Variants in LRP1B observed in about 807,000 individuals in gnomAD.
LRP1B encodes the protein LDL receptor related protein 1B.
Under a neutral mutation model 556.6 loss-of-function variants are expected in LRP1B, and 217 were observed. The observed-to-expected ratio is 0.39, with a 90% CI of 0.35 to 0.44. The LOEUF is 0.44. Among genes scored for constraint, LRP1B ranks in the 20% least tolerant of loss-of-function variants. The pLI is 1.00. For synonymous variants in LRP1B, 2,047 were observed against 1,865.8 expected, an observed-to-expected ratio of 1.10 and a Z score of -2.50; for missense variants, 5,053 against 5,620.8, an observed-to-expected ratio of 0.90 and a Z score of 3.23.
chr2:141,750,864 A>G (rs183223894), intron 2 of LRP1B, among the ~76,000 whole-genome samples: 28 of 152,238 alleles, frequency 1.8e-4, no homozygotes, highest in Non-Finnish European at 2.6e-4. Context: ...GGATCAAAAT[A>G]AAAATAGATT....
At chr2:140,594,911 T>C (rs1165916979) in intron 43 of LRP1B, among the ~76,000 whole-genome samples, 8 of 151,792 alleles carry the variant, frequency 5.3e-5, no homozygotes, top group Admixed American at 3.9e-4. Context: ...AAGTCTTTTA[T>C]AGAATCCTTC....
At chr2:141,743,043 C>G (rs1693768619) in intron 2 of LRP1B, among the ~76,000 whole-genome samples, 1 of 152,044 alleles carries the variant, frequency 6.6e-6, no homozygotes, top group African/African-American at 2.4e-5. Flanking sequence ...ATATCATCTG[C>G]AAACAAAGAT....
intron 66 of LRP1B, among the ~76,000 whole-genome samples, chr2:140,386,728 G>A (rs1386487968): frequency 3.9e-5 from 6 of 152,146 alleles, no homozygotes; most frequent in Non-Finnish European, 5.9e-5. Context: ...CCAATATAAA[G>A]GAAGTGTGCT....
intron 2 of LRP1B, among the ~76,000 whole-genome samples, chr2:141,802,100 T>C (rs538061165): frequency 2.8e-4 from 42 of 152,146 alleles, no homozygotes; most frequent in Non-Finnish European, 5.4e-4. Context: ...CATGCTGAAT[T>C]CTAAGATGAG....
chr2:141,168,354 C>T (rs576220408), intron 7 of LRP1B, among the ~76,000 whole-genome samples: 1 of 152,026 alleles, frequency 6.6e-6, no homozygotes, highest in Non-Finnish European at 1.5e-5. Context: ...TCTATTATAA[C>T]TAGGTTTTGG....
intron 66 of LRP1B, among the ~76,000 whole-genome samples, chr2:140,404,765 G>A (rs1177635246): frequency 6.6e-6 from 1 of 152,088 alleles, no homozygotes; most frequent in African/African-American, 2.4e-5. Context: ...GAAACCAAAA[G>A]GGAGCAGGAG....
intron 1 of LRP1B, among the ~76,000 whole-genome samples, chr2:141,850,622 C>CTG (rs70994458): frequency 0.054 from 7,680 of 141,090 alleles, 229 homozygotes; most frequent in Admixed American, 0.089. Flanking sequence ...AGCATAAACT[C>CTG]TGTGTGTGTG....
intron 66 of LRP1B, among the ~76,000 whole-genome samples, chr2:140,432,992 T>C (rs1294023119): frequency 6.6e-6 from 1 of 152,248 alleles, no homozygotes; most frequent in African/African-American, 2.4e-5. Flanking sequence ...TAAAGCCATA[T>C]ATGCTACTAA....
chr2:140,577,582 A>G (rs1010020301), intron 43 of LRP1B, among the ~76,000 whole-genome samples: 1 of 151,782 alleles, frequency 6.6e-6, no homozygotes, highest in African/African-American at 2.4e-5. Context: ...ATGCTGGCTA[A>G]TTTTATTTTT....
At chr2:140,721,077 A>T (rs1687383119) in intron 35 of LRP1B, among the ~76,000 whole-genome samples, 1 of 152,180 alleles carries the variant, frequency 6.6e-6, no homozygotes, top group African/African-American at 2.4e-5. Context: ...ACATCTATGT[A>T]TTTAAATAAC....
At chr2:141,089,751 T>C (rs1700131934) in intron 7 of LRP1B, among the ~76,000 whole-genome samples, 1 of 152,122 alleles carries the variant, frequency 6.6e-6, no homozygotes, top group African/African-American at 2.4e-5. Flanking sequence ...AAAGGGAAGC[T>C]CTTAGGGTTA....
chr2:140,633,722 T>A (rs1683975853), intron 41 of LRP1B, among the ~76,000 whole-genome samples: 1 of 152,094 alleles, frequency 6.6e-6, no homozygotes, highest in Admixed American at 6.6e-5. Flanking sequence ...ATAACTAAGT[T>A]GAAATGAACC....
intron 3 of LRP1B, among the ~76,000 whole-genome samples, chr2:141,466,941 T>A (rs1682225708): frequency 1.2e-5 from 1 of 84,398 alleles, no homozygotes; most frequent in Non-Finnish European, 2.5e-5. Context: ...GAAAAGGAAG[T>A]GCTCAGGGGA....
At chr2:140,996,463 T>C (rs569483164) in intron 15 of LRP1B, among the ~76,000 whole-genome samples, 1 of 152,088 alleles carries the variant, frequency 6.6e-6, no homozygotes, top group Non-Finnish European at 1.5e-5. Context: ...CTACAAAGCA[T>C]TTGTTTTATA....
intron 1 of LRP1B, among the ~76,000 whole-genome samples, chr2:141,991,767 A>G (rs1156052): frequency 0.84 from 128,190 of 152,044 alleles, 54,175 homozygotes; most frequent in East Asian, 0.95. Context: ...TGTAGTTTTC[A>G]ACATTACCTT....
intron 15 of LRP1B, among the ~76,000 whole-genome samples, chr2:140,998,059 C>G (rs1697305262): frequency 6.6e-6 from 1 of 151,974 alleles, no homozygotes. Context: ...TATCCTAGAA[C>G]ATAAGGCTTG....
At chr2:141,179,456 T>G (rs1453961982) in intron 7 of LRP1B, among the ~76,000 whole-genome samples, 1 of 152,076 alleles carries the variant, frequency 6.6e-6, no homozygotes, top group Non-Finnish European at 1.5e-5. Flanking sequence ...TCAATCATTA[T>G]GAAGATCAAT....
intron 7 of LRP1B, among the ~76,000 whole-genome samples, chr2:141,098,891 A>T (rs903529522): frequency 1.3e-5 from 2 of 152,176 alleles, no homozygotes; most frequent in Non-Finnish European, 2.9e-5. Context: ...TCCCGATCTC[A>T]GGTAATCCGC....
intron 1 of LRP1B, among the ~76,000 whole-genome samples, chr2:142,018,852 C>A (rs1159034728): frequency 6.6e-6 from 1 of 151,710 alleles, no homozygotes; most frequent in Non-Finnish European, 1.5e-5. Context: ...CTAAATTCTC[C>A]ATTTCACATC....
Sources: allele counts gnomAD v4.1 joint callset (sites outside exome capture counted in the v4.1 genomes callset), GRCh38; gene constraint gnomAD v4.1.1; transcripts MANE v1.5; gene names NCBI Gene and HGNC (gene_info 2026-07-23, HGNC 2026-07-21).